Variants in BLOC1S3 observed in about 807,000 individuals in gnomAD.
BLOC1S3 encodes biogenesis of lysosomal organelles complex 1 subunit 3.
A neutral mutation model predicts 9.1 loss-of-function variants in BLOC1S3; 7 were observed. That is an observed-to-expected ratio of 0.77 (90% CI 0.44 to 1.45). The LOEUF is 1.45. Ranked by LOEUF, BLOC1S3 falls within the 40% of genes most tolerant of loss-of-function variation. The pLI is 0.01. For synonymous variants in BLOC1S3, 145 were observed against 158.4 expected (o/e 0.92, Z 0.64); for missense variants, 307 against 315.2 (o/e 0.97, Z 0.20).
At chr19:45,208,541 G>T (rs1380223010) in intron 3 of BLOC1S3, among the ~76,000 whole-genome samples, 3 of 151,398 alleles carry the variant, frequency 2.0e-5, no homozygotes, top group Non-Finnish European at 2.9e-5. Flanking sequence ...CACCTGATGA[G>T]GTCAGGAGTT....
intron 3 of BLOC1S3, among the ~76,000 whole-genome samples, chr19:45,203,744 A>C (rs556415855): frequency 6.6e-5 from 10 of 152,210 alleles, no homozygotes; most frequent in Non-Finnish European, 1.3e-4. Flanking sequence ...GTAATAGAAC[A>C]GCGCTGAGTT....
chr19:45,179,216 A>G lies in BLOC1S3; in HGVS notation c.-9-72A>G. On this transcript the variant is annotated intron_variant, in intron 1 of 1. Transcript: ENST00000433642. The surrounding 1 kb of genome is among the most constrained non-coding windows in gnomAD (Gnocchi z 4.6). ...TAAGAGAATCAGCGAAGGGGCTGGGAATCCAGGACCTGCGCCTTTTACCCA... is the reference window on the plus strand; with the variant it reads ...TAAGAGAATCAGCGAAGGGGCTGGGGATCCAGGACCTGCGCCTTTTACCCA... The G allele has an allele frequency of 7.1e-7, 1 of 1,400,338 alleles. No homozygotes were observed. The highest frequency in any genetic ancestry group is 1.5e-5 in the South Asian group (1 of 66,272). 86.7% of individuals were successfully genotyped at this position (1,400,338 alleles called of 1,614,324 possible).
chr19:45,191,772 C>T (rs1969609004), intron 2 of BLOC1S3, among the ~76,000 whole-genome samples: 1 of 152,208 alleles, frequency 6.6e-6, no homozygotes, highest in Non-Finnish European at 1.5e-5. Context: ...CCTTTTCTCC[C>T]AAACAAATGG....
chr19:45,187,353 A>C (rs1018241700), upstream of BLOC1S3: 4 of 152,506 alleles, frequency 2.6e-5, no homozygotes, highest in African/African-American at 9.6e-5. Flanking sequence ...GCAGGACCAC[A>C]GGAGTCATTG....
intron 2 of BLOC1S3, among the ~76,000 whole-genome samples, chr19:45,198,332 C>G (rs541997675): frequency 1.3e-5 from 2 of 152,272 alleles, no homozygotes; most frequent in East Asian, 3.9e-4. Flanking sequence ...CTTTGTTGCC[C>G]AGGCTCTGGA....
At chr19:45,182,404 A>G (rs1321217570), downstream of BLOC1S3, among the ~76,000 whole-genome samples, 1 of 151,820 alleles carries the variant, frequency 6.6e-6, no homozygotes, top group Non-Finnish European at 1.5e-5. Context: ...GCAGTTACGC[A>G]TGTCTTTAAT....
intron 3 of BLOC1S3, among the ~76,000 whole-genome samples, chr19:45,203,809 TTCTC>T (rs1568475725): frequency 1.3e-5 from 2 of 152,078 alleles, no homozygotes; most frequent in African/African-American, 2.4e-5. Context: ...AATGCACAGA[TTCTC>T]TCTCCTTGCC....
rs773471153 is a variant in BLOC1S3 at position 45,179,861 on chromosome 19, G to T, written c.565G>T (p.Val189Leu). The change falls in exon 2 of 2, where the codon GTG (valine) becomes TTG (leucine). Residue 189 changes from valine (V) to leucine (L), a missense_variant. Physicochemically the swap from Val to Leu is conservative, Grantham distance 32. Transcript: ENST00000433642. The surrounding 1 kb of genome is among the most constrained non-coding windows in gnomAD (Gnocchi z 4.6). ...CCGCCTGCTGCCGGACATCCGCGGCGTGCCAGGGACCGAGCCTGAGAAAGA... is the reference window on the plus strand; with the variant it reads ...CCGCCTGCTGCCGGACATCCGCGGCTTGCCAGGGACCGAGCCTGAGAAAGA... Reference protein sequence around the residue: ...GCRLLPDIRGVPGTEPEKDPG... With the variant: ...GCRLLPDIRGLPGTEPEKDPG... 1.7e-5 allele frequency: 28 copies of T among 1,609,638 alleles called. 1 individual carries two copies. The Middle Eastern group carries it at 3.8e-3, about 218-fold the overall frequency.
intron 3 of BLOC1S3, among the ~76,000 whole-genome samples, chr19:45,207,040 T>C (rs1969732616): frequency 6.6e-6 from 1 of 151,622 alleles, no homozygotes; most frequent in South Asian, 2.1e-4. Flanking sequence ...TTTCACCATG[T>C]TGGCCAGGCT....
At chr19:45,185,195 C>G (rs189850745), downstream of BLOC1S3, among the ~76,000 whole-genome samples, 1 of 152,240 alleles carries the variant, frequency 6.6e-6, no homozygotes, top group African/African-American at 2.4e-5. Context: ...GTAGTGATGA[C>G]CACTCTGGTC....
intron 3 of BLOC1S3, chr19:45,213,170 A>G (rs1969795439): frequency 6.3e-7 from 1 of 1,599,590 alleles, no homozygotes; most frequent in Non-Finnish European, 8.5e-7. Context: ...CGGCCCAGGA[A>G]GAGAGGGAGG....
chr19:45,181,605 G>A lies in BLOC1S3; in HGVS notation c.*1700G>A, dbSNP rs76151738. On this transcript the variant is annotated 3_prime_UTR_variant, in exon 2 of 2. Transcript: ENST00000433642. ...CTTGGCTCAGGGACTGGGGTTAGCA[G>A]TCTCTTTCTGCTCCTTTTCACCTGT... The A allele has an allele frequency of 1.8e-3, 294 of 167,222 alleles. 7 individuals carry two copies. The East Asian group carries it at 0.053, about 30-fold the overall frequency. 10.4% of individuals were successfully genotyped at this position (167,222 alleles called of 1,614,324 possible). A position where few individuals can be genotyped will look rare whatever the true frequency, so the allele number is the denominator to read the frequency against.
chr19:45,208,901 T>G (rs988753171), intron 3 of BLOC1S3, among the ~76,000 whole-genome samples: 5 of 152,016 alleles, frequency 3.3e-5, no homozygotes, highest in African/African-American at 9.7e-5. Flanking sequence ...AAAGTAATGC[T>G]TAGAAAGACA....
In BLOC1S3 at chr19:45,179,258, A is replaced by G. The variant is rs1478143608; in HGVS notation, c.-9-30A>G. 1.3e-6 allele frequency: 2 copies of G among 1,504,902 alleles called. No individual in the cohort carries two copies. Among genetic ancestry groups the G allele is most frequent in the East Asian group, 5.1e-5 (2 of 39,182 alleles). 93.2% of individuals were successfully genotyped at this position (1,504,902 alleles called of 1,614,324 possible). ...TTTTACCCACCGCGGCGCCGGTCTC[A>G]CGTGCAGTCCCTTCGCTCTTCTCCC... On this transcript the variant is annotated intron_variant, in intron 1 of 1. Transcript: ENST00000433642. This position sits in a 1 kb window ranked among gnomAD's most constrained non-coding sequence, Gnocchi z 4.6.
intron 2 of BLOC1S3, among the ~76,000 whole-genome samples, chr19:45,193,689 T>C (rs1456441287): frequency 6.6e-6 from 1 of 151,126 alleles, no homozygotes; most frequent in Non-Finnish European, 1.5e-5. Flanking sequence ...GTTTTGCTTG[T>C]CAAGGGCTAG....
downstream of BLOC1S3, among the ~76,000 whole-genome samples, chr19:45,183,633 T>C (rs1413444685): frequency 7.2e-6 from 1 of 138,578 alleles, no homozygotes; most frequent in East Asian, 2.0e-4. Flanking sequence ...CTTTTTTTTT[T>C]TTTTTTTTTT....
chr19:45,184,825 G>A (rs368362254), downstream of BLOC1S3, among the ~76,000 whole-genome samples: 17 of 149,696 alleles, frequency 1.1e-4, no homozygotes, highest in East Asian at 1.2e-3. Flanking sequence ...GCGTGAACCC[G>A]GGAGGTGGAG....
Position 45,179,965 on chromosome 19 carries a change from C to T in BLOC1S3, c.*60C>T, listed in dbSNP as rs1969492350. 6.4e-7 allele frequency: 1 copy of T among 1,566,728 alleles called. No individual in the cohort carries two copies. Among genetic ancestry groups the T allele is most frequent in the South Asian group, 1.2e-5 (1 of 86,608 alleles). ...GGGGTAGGCCTTGCTGCCTCTGGGACCTGACTCTGTCTCCTGTGTCTCTTA... is the reference window on the plus strand; with the variant it reads ...GGGGTAGGCCTTGCTGCCTCTGGGATCTGACTCTGTCTCCTGTGTCTCTTA... On this transcript the variant is annotated 3_prime_UTR_variant, in exon 2 of 2. Transcript: ENST00000433642. The surrounding 1 kb of genome is among the most constrained non-coding windows in gnomAD (Gnocchi z 4.6).
At chr19:45,199,978 C>T (rs1212481822) in intron 2 of BLOC1S3, among the ~76,000 whole-genome samples, 1 of 151,756 alleles carries the variant, frequency 6.6e-6, no homozygotes, top group Non-Finnish European at 1.5e-5. Flanking sequence ...GTTGGCCAAA[C>T]TAGTCTCAAA....
Sources: gnomAD v4.1 joint callset for allele counts (sites outside exome capture counted in the v4.1 genomes callset) on GRCh38, gnomAD v4.1.1 for gene constraint, Gnocchi (gnomAD v3.1) non-coding constraint, MANE v1.5 for transcripts, NCBI Gene and HGNC (gene_info 2026-07-23, HGNC 2026-07-21) for gene names.